Variants in WDR12 observed in about 807,000 individuals in gnomAD.
WDR12 encodes the protein WD repeat domain 12.
A neutral mutation model predicts 64.3 loss-of-function variants in WDR12; 42 were observed. The observed-to-expected ratio is 0.65, with a 90% CI of 0.51 to 0.84. The LOEUF (loss-of-function observed/expected upper bound fraction) is 0.84, where lower values mean the gene tolerates loss of function less well. Ranked by LOEUF, WDR12 falls within the 40% of genes least tolerant of loss-of-function variation. WDR12 has a pLI of 0.00. For synonymous variants in WDR12, 158 were observed against 173.3 expected (o/e 0.91, Z 0.70); for missense variants, 469 against 494.6 (o/e 0.95, Z 0.49).
intron 1 of WDR12, among the ~76,000 whole-genome samples, chr2:202,910,820 T>C (rs751619365): frequency 3.9e-5 from 6 of 152,232 alleles, no homozygotes; most frequent in Non-Finnish European, 7.3e-5. Context: ...GGGAGTTTCC[T>C]AGTTTATGGC....
chr2:202,889,761 A>G (rs572324499), intron 8 of WDR12, among the ~76,000 whole-genome samples: 1 of 151,758 alleles, frequency 6.6e-6, no homozygotes, highest in Non-Finnish European at 1.5e-5. Context: ...TAAAAAAAAA[A>G]AAAATTAGCC....
chr2:202,892,470 T>C, intron 8 of WDR12, 147 bp downstream of exon 8: 1 of 491,072 alleles, frequency 2.0e-6, no homozygotes, highest in Non-Finnish European at 3.6e-6. Flanking sequence ...AATAAAAATT[T>C]ACAAGTCTAC....
At position 202,882,628 on chromosome 2, in the gene WDR12, C is replaced by A. The variant is rs1258122995; in HGVS notation, c.1194+83G>T. 4 of 1,462,916 alleles carry A rather than the reference C, an allele frequency of 2.7e-6. No homozygotes were observed. The South Asian group carries it at 4.6e-5, about 17-fold the overall frequency. 90.6% of individuals were successfully genotyped at this position (1,462,916 alleles called of 1,614,324 possible). A position where few individuals can be genotyped will look rare whatever the true frequency, so the allele number is the denominator to read the frequency against. On this transcript the variant is annotated intron_variant, in intron 12 of 12. Coordinates refer to ENST00000261015, the MANE Select transcript of WDR12 (RefSeq NM_018256.4). ...CAGGCGTGAGCCACTGCACCCGGCCCGAAACTAATACATTTTATAAACACA... is the reference window on the plus strand; with the variant it reads ...CAGGCGTGAGCCACTGCACCCGGCCAGAAACTAATACATTTTATAAACACA...
At chr2:202,898,219 C>G in intron 4 of WDR12, among the ~76,000 whole-genome samples, 1 of 151,950 alleles carries the variant, frequency 6.6e-6, no homozygotes, top group Admixed American at 6.6e-5. Flanking sequence ...GGCGCGATCT[C>G]AGCTCACTGC....
intron 1 of WDR12, among the ~76,000 whole-genome samples, chr2:202,909,553 G>A (rs993427069): frequency 2.0e-5 from 3 of 152,094 alleles, no homozygotes; most frequent in Admixed American, 6.6e-5. Context: ...AACAGCTCAA[G>A]GATGATGAAA....
Position 202,901,107 on chromosome 2 carries a change from T to C in WDR12, c.149A>G (p.His50Arg). ...CTTAATAAGGAAATCAAACTCCACA[T>C]GTTTGTGGAACTCTGAGGAAAATAC... ...LLKDKNEFHKHVEFDFLIKGQ... is the reference protein window; with the variant it reads ...LLKDKNEFHKRVEFDFLIKGQ... The change falls in exon 3 of 13, where the codon CAT becomes CGT. Residue 50 changes from histidine to arginine, a missense_variant. Transcript: ENST00000261015. The C allele has an allele frequency of 6.3e-7, 1 of 1,593,924 alleles. No homozygotes were observed. The highest frequency in any genetic ancestry group is 8.6e-7 in the Non-Finnish European group (1 of 1,165,904).
intron 8 of WDR12, among the ~76,000 whole-genome samples, chr2:202,886,008 C>A (rs2043849): frequency 5.9e-5 from 9 of 152,238 alleles, no homozygotes; most frequent in African/African-American, 1.2e-4. Context: ...AGTGAGCTAC[C>A]ATCACGCCAC....
intron 2 of WDR12, among the ~76,000 whole-genome samples, chr2:202,903,233 T>C (rs1404450862): frequency 6.6e-6 from 1 of 152,138 alleles, no homozygotes; most frequent in Non-Finnish European, 1.5e-5. Context: ...AAGCATTTGA[T>C]AAAATTCAAC....
At chr2:202,910,287 C>T (rs1688545602) in intron 1 of WDR12, among the ~76,000 whole-genome samples, 1 of 152,098 alleles carries the variant, frequency 6.6e-6, no homozygotes, top group East Asian at 1.9e-4. Context: ...CTTTGGGAGA[C>T]CGAGGTGGGC....
intron 3 of WDR12, among the ~76,000 whole-genome samples, chr2:202,900,575 A>G (rs894307935): frequency 6.6e-6 from 1 of 152,118 alleles, no homozygotes; most frequent in Non-Finnish European, 1.5e-5. Context: ...AACAATTATA[A>G]GTTATATTTT....
At chr2:202,906,812 T>C (rs906886187) in intron 2 of WDR12, among the ~76,000 whole-genome samples, 1 of 152,222 alleles carries the variant, frequency 6.6e-6, no homozygotes, top group Non-Finnish European at 1.5e-5. Context: ...TTCTCTATTT[T>C]ATGTAATGTT....
At chr2:202,903,447 GGAAGGAAGGAAGGAAGGAAGGAAGGAA>G in intron 2 of WDR12, among the ~76,000 whole-genome samples, 1 of 928 alleles carries the variant, frequency 1.1e-3, no homozygotes, top group African/African-American at 1.3e-3. Flanking sequence ...GCAATCAGAT[GGAAGGAAGGAAGGAAGGAAGGAAGGAA>G]GGAAGGAAGG....
intron 1 of WDR12, among the ~76,000 whole-genome samples, chr2:202,910,488 A>G (rs1439704424): frequency 1.3e-5 from 2 of 152,156 alleles, no homozygotes; most frequent in Non-Finnish European, 2.9e-5. Context: ...CCACCACTGC[A>G]GTCCAGCCTG....
intron 4 of WDR12, among the ~76,000 whole-genome samples, chr2:202,898,152 T>C (rs1449085571): frequency 1.3e-5 from 2 of 151,594 alleles, no homozygotes; most frequent in East Asian, 1.9e-4. Flanking sequence ...CAACCTGTAG[T>C]ACTCTTTTTT....
rs1688649017 is a variant in WDR12, at chr2:202,911,479, C to A, written c.-3G>T. 6.2e-7 allele frequency: 1 copy of A among 1,614,056 alleles called. No homozygotes were observed. Among genetic ancestry groups the A allele is most frequent in the East Asian group, 2.2e-5 (1 of 44,872 alleles). On this transcript the variant is annotated 5_prime_UTR_variant, in exon 1 of 13. Transcript: ENST00000261015. ...AAGCGTGTTTGGAGCTGAGCCATGG[C>A]GAGGAGTACACACGACTTGCCCACG...
intron 5 of WDR12, 47 bp downstream of exon 5, chr2:202,897,253 C>A: frequency 7.1e-7 from 1 of 1,402,428 alleles, no homozygotes; most frequent in Non-Finnish European, 9.8e-7. Flanking sequence ...GGCTTATTTC[C>A]AAATCCCTAT....
chr2:202,889,635 C>T (rs549371535), intron 8 of WDR12, among the ~76,000 whole-genome samples: 4 of 151,298 alleles, frequency 2.6e-5, no homozygotes, highest in Non-Finnish European at 5.9e-5. Context: ...GGAGTAACAG[C>T]CAGGCATGGT....
At chr2:202,905,573 CA>C (rs913525382) in intron 2 of WDR12, among the ~76,000 whole-genome samples, 1 of 152,048 alleles carries the variant, frequency 6.6e-6, no homozygotes, top group Admixed American at 6.6e-5. Context: ...GGAGATTCCT[CA>C]AAAAACTAAA....
Position 202,880,955 on chromosome 2 carries a change from A to G in WDR12, c.1195-18T>C. 1.3e-5 allele frequency: 21 copies of G among 1,567,452 alleles called. No individual in the cohort carries two copies. The highest frequency in any genetic ancestry group is 1.7e-5 in the Non-Finnish European group (20 of 1,152,350). The stretch of plus-strand genomic sequence containing the variant: ...AGAAGTAGCTGTGTAAAAGGAGAGA[A>G]AAAGACAAGAAAACATAAATAAATA... On this transcript the variant is annotated intron_variant, in intron 12 of 12. Transcript: ENST00000261015.
Sources: allele counts gnomAD v4.1 joint callset (sites outside exome capture counted in the v4.1 genomes callset), GRCh38; gene constraint gnomAD v4.1.1; transcripts MANE v1.5; gene names NCBI Gene and HGNC (gene_info 2026-07-23, HGNC 2026-07-21).